The following EPHB1 variants were observed in gnomAD, a reference collection of about 807,000 sequenced individuals.
The protein encoded by EPHB1 is ephrin type-B receptor 1.
A neutral mutation model predicts 94.4 loss-of-function variants in EPHB1; 30 were observed. The observed-to-expected ratio is 0.32, with a 90% confidence interval of 0.24 to 0.43. The LOEUF is 0.43. Among genes scored for constraint, EPHB1 ranks in the 20% least tolerant of loss-of-function variants. EPHB1 has a pLI of 1.00. For synonymous variants in EPHB1, 522 were observed against 489.1 expected, an observed-to-expected ratio of 1.07 and a Z score of -0.89; for missense variants, 1,055 against 1,308.3, an observed-to-expected ratio of 0.81 and a Z score of 2.99.
At chr3:134,995,175 T>G (rs1278837692) in intron 3 of EPHB1, among the ~76,000 whole-genome samples, 1 of 152,204 alleles carries the variant, frequency 6.6e-6, no homozygotes, top group Admixed American at 6.5e-5. Flanking sequence ...AATCAATGTG[T>G]TCTTGATCTC....
chr3:135,218,466 A>G (rs867688478), intron 12 of EPHB1, among the ~76,000 whole-genome samples: 1 of 152,230 alleles, frequency 6.6e-6, no homozygotes, highest in African/African-American at 2.4e-5. Context: ...TGGGATCAGT[A>G]TGGAATTTCA....
Position 134,925,873 on chromosome 3 carries a change from C to T in EPHB1, c.116C>T (p.Ala39Val), listed in dbSNP as rs556035012. Residue 39 changes from alanine (A) to valine (V), a missense_variant, in exon 2 of 16, where the codon GCG becomes GTG. Physicochemically the swap from Ala to Val is moderately conservative, Grantham distance 64. Coordinates refer to ENST00000398015, the MANE Select transcript of EPHB1 (RefSeq NM_004441.5). ...GAGCTGGGCTGGACGGCCAATCCTGCGTCCGGGGTGAGTATCAAACCATTC... is the reference window on the plus strand; with the variant it reads ...GAGCTGGGCTGGACGGCCAATCCTGTGTCCGGGGTGAGTATCAAACCATTC... The part of the protein sequence containing the change: ...TAELGWTANP[A>V]SGWEEVSGYD... 21 of 1,603,030 alleles carry T rather than the reference C, an allele frequency of 1.3e-5. No individual in the cohort carries two copies. Among genetic ancestry groups the T allele is most frequent in the South Asian group, 6.7e-5 (6 of 89,002 alleles).
intron 1 of EPHB1, among the ~76,000 whole-genome samples, chr3:134,834,430 T>C (rs989146389): frequency 6.6e-6 from 1 of 152,038 alleles, no homozygotes; most frequent in Non-Finnish European, 1.5e-5. Flanking sequence ...TGACTCTGGA[T>C]AGTCTTTTGG....
chr3:135,192,294 T>A (rs1355083818), intron 10 of EPHB1, among the ~76,000 whole-genome samples: 2 of 152,290 alleles, frequency 1.3e-5, no homozygotes, highest in Admixed American at 1.3e-4. Flanking sequence ...AAAAATTAAG[T>A]GTGGGGAAAA....
chr3:134,979,149 C>T (rs1393285985), intron 3 of EPHB1, among the ~76,000 whole-genome samples: 1 of 152,168 alleles, frequency 6.6e-6, no homozygotes, highest in Non-Finnish European at 1.5e-5. Context: ...TAGAATGGTA[C>T]AGTGTCTTCT....
intron 3 of EPHB1, among the ~76,000 whole-genome samples, chr3:135,036,219 A>G (rs571695349): frequency 6.6e-6 from 1 of 152,320 alleles, no homozygotes; most frequent in Admixed American, 6.5e-5. Context: ...TTGAGACGCT[A>G]TCTCTGGAGG....
intron 4 of EPHB1, among the ~76,000 whole-genome samples, chr3:135,116,660 T>C (rs1374095829): frequency 2.0e-5 from 3 of 152,142 alleles, no homozygotes; most frequent in East Asian, 1.9e-4. Flanking sequence ...CAAAGCCAGG[T>C]TCAGAATCTA....
At chr3:135,008,427 A>G (rs1935500513) in intron 3 of EPHB1, among the ~76,000 whole-genome samples, 1 of 151,904 alleles carries the variant, frequency 6.6e-6, no homozygotes, top group Non-Finnish European at 1.5e-5. Flanking sequence ...CAGGCTGGCT[A>G]CAGAGTGTGT....
At chr3:135,199,088 C>T (rs1942694518) in intron 11 of EPHB1, among the ~76,000 whole-genome samples, 1 of 152,228 alleles carries the variant, frequency 6.6e-6, no homozygotes, top group Non-Finnish European at 1.5e-5. Context: ...TTGCTGCATG[C>T]ACTTTCAACA....
chr3:134,821,002 G>A (rs1422551508), intron 1 of EPHB1, among the ~76,000 whole-genome samples: 1 of 152,182 alleles, frequency 6.6e-6, no homozygotes, highest in Non-Finnish European at 1.5e-5. Context: ...GAGCTGATGG[G>A]TAGTTCCAGT....
chr3:135,067,391 G>A (rs1046439023), intron 3 of EPHB1: 3 of 152,318 alleles, frequency 2.0e-5, no homozygotes, highest in Non-Finnish European at 1.5e-5. Flanking sequence ...GGATGGGGGT[G>A]AGATTTTCAG....
chr3:134,798,453 C>T (rs1031084546), intron 1 of EPHB1, among the ~76,000 whole-genome samples: 2 of 152,098 alleles, frequency 1.3e-5, no homozygotes, highest in African/African-American at 4.8e-5. Flanking sequence ...GAAACCCAGA[C>T]TGAAAAAAAG....
intron 5 of EPHB1, among the ~76,000 whole-genome samples, chr3:135,138,527 T>C (rs917889532): frequency 6.6e-6 from 1 of 152,222 alleles, no homozygotes; most frequent in Non-Finnish European, 1.5e-5. Flanking sequence ...AAATTAAATA[T>C]TAAAACAATA....
intron 5 of EPHB1, among the ~76,000 whole-genome samples, chr3:135,150,719 T>C (rs1941166321): frequency 6.6e-6 from 1 of 152,232 alleles, no homozygotes; most frequent in East Asian, 1.9e-4. Flanking sequence ...TTGAATTTTT[T>C]CTATCTATTG....
chr3:134,990,982 C>A (rs946573448), intron 3 of EPHB1, among the ~76,000 whole-genome samples: 2 of 151,636 alleles, frequency 1.3e-5, no homozygotes, highest in African/African-American at 2.4e-5. Context: ...GGATAACTTT[C>A]TTCTATTTCT....
At chr3:135,244,119 C>A (rs1228244697) in intron 13 of EPHB1, among the ~76,000 whole-genome samples, 2 of 152,180 alleles carry the variant, frequency 1.3e-5, no homozygotes, top group Admixed American at 1.3e-4. Flanking sequence ...GTCACTCCAC[C>A]CAGTCCCAGA....
At chr3:135,125,871 A>G (rs754306431) in intron 4 of EPHB1, among the ~76,000 whole-genome samples, 1 of 151,860 alleles carries the variant, frequency 6.6e-6, no homozygotes, top group African/African-American at 2.4e-5. Flanking sequence ...TACAGCCCCC[A>G]TTTCCCTGTC....
At chr3:135,006,770 G>A (rs561845451) in intron 3 of EPHB1, among the ~76,000 whole-genome samples, 1 of 152,230 alleles carries the variant, frequency 6.6e-6, no homozygotes, top group Admixed American at 6.5e-5. Flanking sequence ...CAGAAATGGG[G>A]TTACAAAGTG....
intron 3 of EPHB1, among the ~76,000 whole-genome samples, chr3:134,958,315 G>T (rs909143654): frequency 3.9e-5 from 6 of 152,086 alleles, no homozygotes; most frequent in Non-Finnish European, 7.3e-5. Context: ...GGTTTTCGGG[G>T]CCTGCTTCCA....
Sources: allele counts gnomAD v4.1 joint callset (sites outside exome capture counted in the v4.1 genomes callset), GRCh38; gene constraint gnomAD v4.1.1; transcripts MANE v1.5; gene names NCBI Gene and HGNC (gene_info 2026-07-23, HGNC 2026-07-21).